The following DDX42 variants were observed in gnomAD, a reference collection of about 807,000 sequenced individuals.
The protein encoded by DDX42 is ATP-dependent RNA helicase DDX42.
A neutral mutation model predicts 101.5 loss-of-function variants in DDX42; 22 were observed. The ratio of observed to expected loss-of-function variants is 0.22; its 90% CI spans 0.15 to 0.31. The LOEUF (loss-of-function observed/expected upper bound fraction) is 0.31. DDX42 is among the 10% of genes least tolerant of loss of function. The pLI, the probability that DDX42 is intolerant of heterozygous loss-of-function variation, is 1.00. For synonymous variants in DDX42, 402 were observed against 401.2 expected (o/e 1.00, Z -0.02); for missense variants, 849 against 1,199.9 (o/e 0.71, Z 4.32).
chr17:63,800,430 G>C (rs780002476), intron 5 of DDX42, 38 bp from the exon 6 acceptor site: 12 of 1,600,718 alleles, frequency 7.5e-6, no homozygotes, highest in Non-Finnish European at 1.0e-5. Context: ...ATTCTCAATT[G>C]TACTTGGGTG....
At chr17:63,786,345 C>T (rs1452449034) in intron 1 of DDX42, among the ~76,000 whole-genome samples, 1 of 152,146 alleles carries the variant, frequency 6.6e-6, no homozygotes, top group Non-Finnish European at 1.5e-5. Context: ...AACTCCTGGG[C>T]TCAAGCAGTT....
chr17:63,812,544 A>G (rs2039923368), intron 14 of DDX42, among the ~76,000 whole-genome samples: 1 of 152,264 alleles, frequency 6.6e-6, no homozygotes, highest in African/African-American at 2.4e-5. Flanking sequence ...TTAGTTGGGC[A>G]ACTTAACTCA....
intron 1 of DDX42, among the ~76,000 whole-genome samples, chr17:63,782,218 C>T (rs1344129149): frequency 6.6e-6 from 1 of 152,144 alleles, no homozygotes; most frequent in East Asian, 1.9e-4. Context: ...GCGGAGGTTG[C>T]AGTGAGCCAA....
At chr17:63,780,715 A>G (rs1040902480) in intron 1 of DDX42, among the ~76,000 whole-genome samples, 3 of 152,182 alleles carry the variant, frequency 2.0e-5, no homozygotes, top group Non-Finnish European at 2.9e-5. Context: ...CCAGTAAGCA[A>G]CCCTCACCTG....
chr17:63,778,831 G>A (rs1368694106), intron 1 of DDX42, among the ~76,000 whole-genome samples: 1 of 152,038 alleles, frequency 6.6e-6, no homozygotes, highest in Non-Finnish European at 1.5e-5. Flanking sequence ...AGTAGAGATG[G>A]GGTTTCACCA....
chr17:63,807,054 T>C (rs2039850224), intron 8 of DDX42, among the ~76,000 whole-genome samples: 1 of 152,240 alleles, frequency 6.6e-6, no homozygotes, highest in Non-Finnish European at 1.5e-5. Context: ...TGTATATGAA[T>C]GAGATAGTCT....
rs142758870 is a variant in DDX42 at position 63,813,346 on chromosome 17, C to T, written c.1794C>T (p.Ala598=). Residue 598 remains alanine, a synonymous_variant, in exon 15 of 18, where the codon GCC becomes GCT. Transcript: ENST00000389924. ...RTGRAGEKGV[A]YTLLTPKDSN... ...GAAGAGCGGGTGAGAAAGGTGTGGC[C>T]TATACCCTACTCACTCCCAAGGACA... 2 of 1,614,168 alleles carry T rather than the reference C, an allele frequency of 1.2e-6. No individual in the cohort carries two copies. The highest frequency in any genetic ancestry group is 1.3e-5 in the African/African-American group (1 of 75,032).
intron 1 of DDX42, among the ~76,000 whole-genome samples, chr17:63,785,838 A>G (rs892985380): frequency 7.2e-5 from 11 of 152,310 alleles, no homozygotes; most frequent in Non-Finnish European, 1.2e-4. Context: ...ACATGAATAC[A>G]TAGATACTGT....
Position 63,792,365 on chromosome 17 carries a change from AC to A in DDX42, c.222-43del, listed in dbSNP as rs1467672940. ...ATGTTGTTAAATGAAAGATTTACTGACCCCAAAGTAAGCATTCACTTTACCA... is the reference window on the plus strand; with the variant it reads ...ATGTTGTTAAATGAAAGATTTACTGACCCAAAGTAAGCATTCACTTTACCA... On this transcript the variant is annotated intron_variant, in intron 2 of 17. Coordinates refer to ENST00000389924, the MANE Select transcript of DDX42 (RefSeq NM_203499.3). 1.9e-6 allele frequency: 3 copies of A among 1,576,798 alleles called. No homozygotes were observed. In the African/African-American group the frequency reaches 4.1e-5, roughly 21 times the overall value.
At position 63,806,546 on chromosome 17, in the gene DDX42, T is replaced by C. The variant is rs921969533; in HGVS notation, c.738T>C (p.Ala246=). 40 of 1,612,482 alleles carry C rather than the reference T, an allele frequency of 2.5e-5. No homozygotes were observed. The Admixed American group carries it at 4.7e-4, about 19-fold the overall frequency. The change falls in exon 8 of 18, where the codon GCT becomes GCC. Residue 246 remains alanine, a synonymous_variant. Coordinates refer to ENST00000389924, the MANE Select transcript of DDX42 (RefSeq NM_203499.3). ...GTCTCTATCTCTAGGTCTCTGGTGC[T>C]GCACCTCCTAGACCAGGAAGTAGCT... ...RHKLNLRVSG[A]APPRPGSSFA...
At chr17:63,786,990 CTT>C (rs1236939603) in intron 1 of DDX42, 42 bp from the exon 2 acceptor site, 61 of 1,604,114 alleles carry the variant, frequency 3.8e-5, no homozygotes, top group Non-Finnish European at 5.1e-5. Flanking sequence ...GGGCTATACA[CTT>C]TTTTAAGTTT....
intron 2 of DDX42, among the ~76,000 whole-genome samples, chr17:63,788,775 G>C (rs749515344): frequency 1.3e-5 from 2 of 152,198 alleles, no homozygotes; most frequent in Non-Finnish European, 2.9e-5. Flanking sequence ...TTAAGGGGTT[G>C]AGTTCTAATT....
chr17:63,791,137 A>G (rs1280447376), intron 2 of DDX42, among the ~76,000 whole-genome samples: 1 of 152,164 alleles, frequency 6.6e-6, no homozygotes, highest in African/African-American at 2.4e-5. Context: ...TTATATTACT[A>G]TTTGAGTTTG....
Position 63,812,078 on chromosome 17 carries a change from G to A in DDX42, c.1545G>A (p.Ala515=), listed in dbSNP as rs760680957. ...VTKKANAEEL[A]NNLKQEGHNL... is the part of the protein sequence containing the mutation. The stretch of plus-strand genomic sequence containing the variant: ...AAAAAGCCAATGCTGAAGAGCTAGC[G>A]AATAACCTTAAACAGGAGGGTCATA... The change falls in exon 14 of 18, where the codon GCG becomes GCA. Residue 515 remains alanine, a synonymous_variant. Transcript: ENST00000389924. The A allele has an allele frequency of 3.1e-6, 5 of 1,614,098 alleles. No homozygotes were observed. The Admixed American group carries it at 5.0e-5, about 16-fold the overall frequency.
intron 15 of DDX42, 97 bp from the exon 16 acceptor site, chr17:63,815,466 A>C (rs1462446889): frequency 3.5e-6 from 3 of 850,900 alleles, no homozygotes; most frequent in Non-Finnish European, 5.6e-6. Context: ...ATTAAGCAAA[A>C]GTTCCCCCTT....
chr17:63,814,675 C>CTTTTTTTT (rs58211962), intron 15 of DDX42, among the ~76,000 whole-genome samples: 1,231 of 90,544 alleles, frequency 0.014, 8 homozygotes, highest in Non-Finnish European at 0.017. Flanking sequence ...GAGACATTTG[C>CTTTTTTTT]TTTTTTTTTT....
chr17:63,789,558 TG>T (rs57483286), intron 2 of DDX42, among the ~76,000 whole-genome samples: 51,933 of 97,794 alleles, frequency 0.53, 15,983 homozygotes, highest in African/African-American at 0.64. Flanking sequence ...TTTTTGTTTT[TG>T]TTTTTGTTTT....
intron 7 of DDX42, 67 bp downstream of exon 7, chr17:63,805,242 T>C: frequency 6.5e-7 from 1 of 1,549,786 alleles, no homozygotes; most frequent in Non-Finnish European, 8.7e-7. Flanking sequence ...TATTATTGGT[T>C]ATCTAAACTA....
intron 2 of DDX42, 71 bp downstream of exon 2, chr17:63,787,341 G>A: frequency 1.4e-6 from 2 of 1,476,534 alleles, no homozygotes; most frequent in East Asian, 2.3e-5. Flanking sequence ...CAGAAATTGA[G>A]GCAAAGAAAC....
Sources: allele counts gnomAD v4.1 joint callset (sites outside exome capture counted in the v4.1 genomes callset), GRCh38; gene constraint gnomAD v4.1.1; transcripts MANE v1.5; gene names NCBI Gene and HGNC (gene_info 2026-07-23, HGNC 2026-07-21).